Variants in LPP observed in about 807,000 individuals in gnomAD.
The protein encoded by LPP is LIM domain containing preferred translocation partner in lipoma.
LPP carries 38 observed loss-of-function variants against 60.4 expected under a neutral mutation model. The ratio of observed to expected loss-of-function variants is 0.63; its 90% CI spans 0.49 to 0.83. The LOEUF is 0.83. Ranked by LOEUF, LPP falls within the 40% of genes least tolerant of loss-of-function variation. LPP has a pLI of 0.00. For missense variants in LPP, 902 were observed against 783.6 expected, an observed-to-expected ratio of 1.15 and a Z score of -1.80; for synonymous variants, 328 against 290.8, an observed-to-expected ratio of 1.13 and a Z score of -1.30.
Position 188,406,323 on chromosome 3 carries a change from G to A in LPP, c.193+10G>A. The A allele has an allele frequency of 1.9e-6, 3 of 1,610,550 alleles. No individual in the cohort carries two copies. Among genetic ancestry groups the A allele is most frequent in the Non-Finnish European group, 1.7e-6 (2 of 1,177,902 alleles). The stretch of plus-strand genomic sequence containing the variant: ...CAACCTGGAGGTGAGGGTAAGTGCT[G>A]GGATTTCAGAGTTGGTTACTTGGAG... On this transcript the variant is annotated intron_variant, in intron 4 of 11. Coordinates refer to ENST00000617246, the MANE Select transcript of LPP (RefSeq NM_001375462.1).
intron 4 of LPP, among the ~76,000 whole-genome samples, chr3:188,464,537 G>A (rs1367887366): frequency 2.6e-5 from 4 of 152,132 alleles, no homozygotes; most frequent in Non-Finnish European, 4.4e-5. Flanking sequence ...AGTAAGTAGT[G>A]AGGTGTACCT....
rs980465188 is a variant in LPP at position 188,674,752 on chromosome 3, C to T, written c.1114-33515C>T. 1.1e-4 allele frequency among the ~76,000 whole-genome samples: 17 copies of T among 152,234 alleles called. No homozygotes were observed. The East Asian group carries it at 2.5e-3, about 22-fold the overall frequency. ...GCCCAGAGATATTAAATACCTTGTA[C>T]GAGAGTAGGTGTGCAAAGCTAAACT... is the stretch of plus-strand genomic sequence containing the variant. On this transcript the variant is annotated intron_variant, in intron 7 of 11. Coordinates refer to ENST00000617246, the MANE Select transcript of LPP (RefSeq NM_001375462.1).
chr3:188,683,382 G>C (rs949633925), intron 7 of LPP, among the ~76,000 whole-genome samples: 1 of 152,018 alleles, frequency 6.6e-6, no homozygotes, highest in Non-Finnish European at 1.5e-5. Flanking sequence ...CCTTTTACTG[G>C]AATTATCTTT....
Position 188,884,774 on chromosome 3 carries a change from AT to A in LPP, c.*10299del. The A allele has an allele frequency of 4.4e-6, 1 of 226,286 alleles. No homozygotes were observed. The highest frequency in any genetic ancestry group is 6.4e-5 in the East Asian group (1 of 15,710). 14.0% of individuals were successfully genotyped at this position (226,286 alleles called of 1,614,324 possible). A position where few individuals can be genotyped will look rare whatever the true frequency, so the allele number is the denominator to read the frequency against. On this transcript the variant is annotated 3_prime_UTR_variant, in exon 12 of 12. Transcript: ENST00000617246. ...AGAAACCGCCGTAGGTTAGCAATGC[AT>A]TTTAGTCTTTCTCTCCATTCACATT...
chr3:188,674,762 T>C (rs1353801396), intron 7 of LPP, among the ~76,000 whole-genome samples: 1 of 152,206 alleles, frequency 6.6e-6, no homozygotes, highest in African/African-American at 2.4e-5. Flanking sequence ...CGAGAGTAGG[T>C]GTGCAAAGCT....
rs189147748 is a variant in LPP at position 188,448,761 on chromosome 3, A to G, written c.194-35831A>G. Among the ~76,000 whole-genome samples, 3 of 152,332 alleles carry G rather than the reference A, an allele frequency of 2.0e-5. No homozygotes were observed. The East Asian group carries it at 5.8e-4, about 29-fold the overall frequency. On this transcript the variant is annotated intron_variant, in intron 4 of 11. Coordinates refer to ENST00000617246, the MANE Select transcript of LPP (RefSeq NM_001375462.1). ...CTCTCCCAAACAACATTTGTAAAGA[A>G]AATGCATTTTGCACTATTTCTTAGT... is the stretch of plus-strand genomic sequence containing the variant.
chr3:188,874,529 G>C lies in LPP; in HGVS notation c.*50G>C. 1 of 1,594,010 alleles carries C rather than the reference G, an allele frequency of 6.3e-7. No individual in the cohort carries two copies. Among genetic ancestry groups the C allele is most frequent in the Non-Finnish European group, 8.6e-7 (1 of 1,165,436 alleles). On this transcript the variant is annotated 3_prime_UTR_variant, in exon 12 of 12. Coordinates refer to ENST00000617246, the MANE Select transcript of LPP (RefSeq NM_001375462.1). ...CTGAGAAGAACGAACACAAGAAAAA[G>C]ATAAGAAATACTAGAGTAAAGGCCA...
chr3:188,254,940 A>G (rs951957089), intron 2 of LPP, among the ~76,000 whole-genome samples: 6 of 152,182 alleles, frequency 3.9e-5, no homozygotes, highest in Non-Finnish European at 7.4e-5. Context: ...GTAGTACTGG[A>G]TAAATACAGA....
At chr3:188,542,289 A>G (rs1288776709) in intron 6 of LPP, among the ~76,000 whole-genome samples, 2 of 152,220 alleles carry the variant, frequency 1.3e-5, no homozygotes, top group Non-Finnish European at 2.9e-5. Flanking sequence ...TTTGTGAACT[A>G]TAAAGCGCTA....
chr3:188,348,542 A>G (rs1765002485), intron 3 of LPP, among the ~76,000 whole-genome samples: 1 of 152,224 alleles, frequency 6.6e-6, no homozygotes, highest in Admixed American at 6.5e-5. Flanking sequence ...TCACAGCCCA[A>G]TGAGACAGGC....
chr3:188,226,577 G>T (rs1376275014), intron 2 of LPP, among the ~76,000 whole-genome samples: 1 of 152,094 alleles, frequency 6.6e-6, no homozygotes, highest in Non-Finnish European at 1.5e-5. Context: ...GAATACCCTG[G>T]GCTCTAAGGA....
At chr3:188,666,449 A>G (rs981824377) in intron 7 of LPP, among the ~76,000 whole-genome samples, 1 of 152,226 alleles carries the variant, frequency 6.6e-6, no homozygotes, top group Non-Finnish European at 1.5e-5. Context: ...TCAAGGCAGT[A>G]TAACTTAGTA....
intron 6 of LPP, among the ~76,000 whole-genome samples, chr3:188,593,365 T>C (rs1839337282): frequency 6.6e-6 from 1 of 152,156 alleles, no homozygotes; most frequent in Admixed American, 6.6e-5. Flanking sequence ...GAAAATTAAG[T>C]AAAGAGAGGA....
At chr3:188,701,234 C>T (rs2149588842) in intron 7 of LPP, among the ~76,000 whole-genome samples, 1 of 152,226 alleles carries the variant, frequency 6.6e-6, no homozygotes, top group Admixed American at 6.5e-5. Context: ...CATAGTCCCA[C>T]CCATAATGTT....
Position 188,881,095 on chromosome 3 carries a change from G to A in LPP, c.*6616G>A, listed in dbSNP as rs1346026775. ...GCGGAGCTTTCAGTGAGCCGAGATAGCGCCACTGCAGTCCGGCCTGGGCGA... is the reference window on the plus strand; with the variant it reads ...GCGGAGCTTTCAGTGAGCCGAGATAACGCCACTGCAGTCCGGCCTGGGCGA... On this transcript the variant is annotated 3_prime_UTR_variant, in exon 12 of 12. Transcript: ENST00000617246. 2.0e-5 allele frequency: 3 copies of A among 150,410 alleles called. No individual in the cohort carries two copies. Among genetic ancestry groups the A allele is most frequent in the African/African-American group, 5.2e-5 (2 of 38,214 alleles). The allele number at this position is 150,410 out of a possible 1,614,324, so 9.3% of individuals were successfully genotyped here.
intron 3 of LPP, among the ~76,000 whole-genome samples, chr3:188,373,665 C>T (rs1774003919): frequency 6.6e-6 from 1 of 152,014 alleles, no homozygotes; most frequent in Non-Finnish European, 1.5e-5. Flanking sequence ...GTTGCCTGTT[C>T]ACTCTGATGG....
chr3:188,347,507 G>A (rs1764710436), intron 3 of LPP, among the ~76,000 whole-genome samples: 1 of 152,114 alleles, frequency 6.6e-6, no homozygotes, highest in Non-Finnish European at 1.5e-5. Flanking sequence ...AGAGTAGTTA[G>A]GGTCATAGTG....
chr3:188,532,658 C>G (rs1822507988), intron 6 of LPP, among the ~76,000 whole-genome samples: 1 of 152,162 alleles, frequency 6.6e-6, no homozygotes, highest in Non-Finnish European at 1.5e-5. Context: ...TTGTGTGAAC[C>G]TGTCCATGTT....
At chr3:188,202,145 T>C (rs1279874609) in intron 1 of LPP, among the ~76,000 whole-genome samples, 1 of 151,862 alleles carries the variant, frequency 6.6e-6, no homozygotes, top group Non-Finnish European at 1.5e-5. Context: ...GAGCAGGTCC[T>C]TGAGAGCAGA....
Sources: allele counts gnomAD v4.1 joint callset (sites outside exome capture counted in the v4.1 genomes callset), GRCh38; gene constraint gnomAD v4.1.1; transcripts MANE v1.5; gene names NCBI Gene and HGNC (gene_info 2026-07-23, HGNC 2026-07-21).